The following TRIM9 variants were observed in gnomAD, a reference collection of about 807,000 sequenced individuals.
TRIM9 encodes the protein E3 ubiquitin-protein ligase TRIM9.
In TRIM9, 26 loss-of-function variants were observed where a neutral mutation model predicts 78.3. That is an observed-to-expected ratio of 0.33 (90% CI 0.24 to 0.46). The LOEUF is 0.46. Ranked by LOEUF, TRIM9 falls within the 20% of genes least tolerant of loss-of-function variation. The probability of loss-of-function intolerance (pLI) is 1.00; values close to 1 mark genes in which losing one functional copy is unlikely to be tolerated. For missense variants in TRIM9, 787 were observed against 1,036.4 expected (o/e 0.76, Z 3.30); for synonymous variants, 398 against 416.5 (o/e 0.96, Z 0.54).
At chr14:51,024,577 G>A (rs776966255) in intron 2 of TRIM9, among the ~76,000 whole-genome samples, 2 of 152,196 alleles carry the variant, frequency 1.3e-5, no homozygotes, top group Admixed American at 6.5e-5. Flanking sequence ...GTCTTATACA[G>A]TTTATGGTTT....
At chr14:51,037,006 T>C (rs1248494602) in intron 1 of TRIM9, among the ~76,000 whole-genome samples, 1 of 152,206 alleles carries the variant, frequency 6.6e-6, no homozygotes, top group Non-Finnish European at 1.5e-5. Flanking sequence ...GCCAGTTAAT[T>C]TGGATATTTT....
At position 51,038,654 on chromosome 14, in the gene TRIM9, T is replaced by G. The variant is rs187707997; in HGVS notation, c.823-13294A>C. Among the ~76,000 whole-genome samples, 175 of 152,318 alleles carry G rather than the reference T, an allele frequency of 1.1e-3. 2 individuals are homozygous for G. The highest frequency in any genetic ancestry group is 6.8e-3 in the Middle Eastern group (2 of 294). On this transcript the variant is annotated intron_variant, in intron 1 of 12. Coordinates refer to ENST00000684578, the MANE Select transcript of TRIM9 (RefSeq NM_001387360.1). Reference sequence around the variant, plus strand: ...TAAGGAACAAGAATGGGGTATTCAGTTCTTTTCATCCACATGTGAATTATG... The same window carrying G: ...TAAGGAACAAGAATGGGGTATTCAGGTCTTTTCATCCACATGTGAATTATG...
At chr14:50,978,061 G>A (rs1312663218) in intron 12 of TRIM9, among the ~76,000 whole-genome samples, 2 of 152,038 alleles carry the variant, frequency 1.3e-5, no homozygotes, top group Non-Finnish European at 2.9e-5. Context: ...CGCTTCTAGG[G>A]TAATTTATGG....
chr14:51,032,890 A>C (rs1310686850), intron 1 of TRIM9, among the ~76,000 whole-genome samples: 1 of 152,184 alleles, frequency 6.6e-6, no homozygotes, highest in Non-Finnish European at 1.5e-5. Context: ...ATTTCAATGA[A>C]CCTTTCCTTT....
intron 1 of TRIM9, among the ~76,000 whole-genome samples, chr14:51,058,470 T>C (rs867618986): frequency 6.6e-6 from 1 of 152,232 alleles, no homozygotes. Flanking sequence ...TCTTAGCTCC[T>C]CTTCAGCTAG....
At chr14:51,020,399 A>G (rs903339237) in intron 3 of TRIM9, among the ~76,000 whole-genome samples, 5 of 152,178 alleles carry the variant, frequency 3.3e-5, no homozygotes, top group Admixed American at 6.5e-5. Context: ...CATTCGAGAT[A>G]GAAGACAGAA....
intron 1 of TRIM9, among the ~76,000 whole-genome samples, chr14:51,063,437 T>A (rs1268918039): frequency 1.3e-5 from 2 of 151,738 alleles, no homozygotes. Context: ...TTTGAAGAGA[T>A]GGTAGTAAAA....
At chr14:50,994,452 A>G (rs2053939485) in intron 7 of TRIM9, among the ~76,000 whole-genome samples, 1 of 152,238 alleles carries the variant, frequency 6.6e-6, no homozygotes, top group Admixed American at 6.5e-5. Context: ...GGAAGATGCT[A>G]CATGTCTGGC....
chr14:51,063,533 CA>C (rs989074639), intron 1 of TRIM9, among the ~76,000 whole-genome samples: 2 of 151,870 alleles, frequency 1.3e-5, no homozygotes, highest in Non-Finnish European at 2.9e-5. Flanking sequence ...AGCAGAAGTA[CA>C]CATACATATG....
intron 1 of TRIM9, among the ~76,000 whole-genome samples, chr14:51,052,208 A>G (rs868280643): frequency 3.9e-5 from 6 of 152,258 alleles, no homozygotes; most frequent in Middle Eastern, 3.4e-3. Flanking sequence ...CTCAATATAT[A>G]TTTTTCCAAA....
At chr14:51,020,722 G>A (rs1477654978) in intron 3 of TRIM9, among the ~76,000 whole-genome samples, 1 of 152,248 alleles carries the variant, frequency 6.6e-6, no homozygotes, top group Non-Finnish European at 1.5e-5. Context: ...GTTCTGCAGA[G>A]GCAACACTAA....
chr14:51,054,409 A>G (rs2060716174), intron 1 of TRIM9, among the ~76,000 whole-genome samples: 1 of 151,564 alleles, frequency 6.6e-6, no homozygotes, highest in African/African-American at 2.4e-5. Flanking sequence ...AGTAGCTGAG[A>G]CTACAGGCGT....
rs760590041 is a variant in TRIM9 at position 51,059,713 on chromosome 14, G to A, written c.823-34353C>T. On this transcript the variant is annotated intron_variant, in intron 1 of 12. Coordinates refer to ENST00000684578, the MANE Select transcript of TRIM9 (RefSeq NM_001387360.1). Reference sequence around the variant, plus strand: ...CTTGGGAGGCTGAGGCAGGAGAATCGCTTGAACCTGGGAGGCAGAGGTTGC... The same window carrying A: ...CTTGGGAGGCTGAGGCAGGAGAATCACTTGAACCTGGGAGGCAGAGGTTGC... Among the ~76,000 whole-genome samples, 9 of 151,272 alleles carry A rather than the reference G, an allele frequency of 5.9e-5. No individual in the cohort carries two copies. The East Asian group carries it at 1.2e-3, about 20-fold the overall frequency.
At chr14:50,994,602 A>C (rs950548007) in intron 7 of TRIM9, among the ~76,000 whole-genome samples, 1 of 152,238 alleles carries the variant, frequency 6.6e-6, no homozygotes, top group Non-Finnish European at 1.5e-5. Flanking sequence ...AAAAATAAAC[A>C]GAAAATGTCC....
intron 1 of TRIM9, among the ~76,000 whole-genome samples, chr14:51,032,587 G>T (rs1484184062): frequency 1.3e-5 from 2 of 152,232 alleles, no homozygotes; most frequent in Non-Finnish European, 2.9e-5. Context: ...GCCATTGCAG[G>T]TTAGCTTCAG....
intron 3 of TRIM9, 145 bp downstream of exon 3, chr14:51,022,690 T>C: frequency 7.9e-7 from 1 of 1,262,056 alleles, no homozygotes; most frequent in Non-Finnish European, 1.1e-6. Flanking sequence ...AGGTGTCTGT[T>C]CCTTTCTGGC....
At chr14:51,004,872 A>G (rs1161135065) in intron 5 of TRIM9, among the ~76,000 whole-genome samples, 1 of 152,150 alleles carries the variant, frequency 6.6e-6, no homozygotes, top group Non-Finnish European at 1.5e-5. Context: ...TCTAATTCCC[A>G]AAGTTTCTTT....
intron 1 of TRIM9, among the ~76,000 whole-genome samples, chr14:51,081,994 G>A (rs977510743): frequency 1.3e-5 from 2 of 152,172 alleles, no homozygotes; most frequent in African/African-American, 4.8e-5. Context: ...AGGTCAGTGG[G>A]TGGCACTGAA....
At chr14:51,051,738 G>A (rs192028512) in intron 1 of TRIM9, among the ~76,000 whole-genome samples, 6 of 152,174 alleles carry the variant, frequency 3.9e-5, no homozygotes, top group Admixed American at 2.0e-4. Flanking sequence ...AGGCTGAGGC[G>A]GGTAGATCAC....
Sources: gnomAD v4.1 joint callset for allele counts (sites outside exome capture counted in the v4.1 genomes callset) on GRCh38, gnomAD v4.1.1 for gene constraint, MANE v1.5 for transcripts, NCBI Gene and HGNC (gene_info 2026-07-23, HGNC 2026-07-21) for gene names.